Variants in PIK3CB observed in about 807,000 individuals in gnomAD.
The protein encoded by PIK3CB is phosphatidylinositol 4,5-bisphosphate 3-kinase catalytic subunit beta isoform.
PIK3CB carries 39 observed loss-of-function variants against 136.8 expected under a neutral mutation model. The observed-to-expected ratio is 0.29, with a 90% CI of 0.22 to 0.37. The LOEUF (loss-of-function observed/expected upper bound fraction) is 0.37. PIK3CB is among the 10% of genes least tolerant of loss of function. The pLI is 1.00. For synonymous variants in PIK3CB, 428 were observed against 436.6 expected (o/e 0.98, Z 0.25); for missense variants, 868 against 1,275.4 (o/e 0.68, Z 4.87).
At chr3:138,687,186 A>T (rs2043912902) in intron 16 of PIK3CB, among the ~76,000 whole-genome samples, 2 of 151,896 alleles carry the variant, frequency 1.3e-5, no homozygotes, top group South Asian at 2.1e-4. Flanking sequence ...TAACAAGAAC[A>T]GCTATGTACA....
intron 10 of PIK3CB, among the ~76,000 whole-genome samples, chr3:138,710,754 C>T (rs2044479677): frequency 6.6e-6 from 1 of 152,106 alleles, no homozygotes. Flanking sequence ...GAAGGTGCTC[C>T]ATTTACCTCA....
chr3:138,825,474 C>T (rs1325228148), intron 1 of PIK3CB: 3 of 703,280 alleles, frequency 4.3e-6, no homozygotes, highest in African/African-American at 1.7e-5. Context: ...TCAGCACTTA[C>T]ATTAAGAAAA....
chr3:138,654,930 T>C lies in PIK3CB; in HGVS notation c.*459A>G, dbSNP rs1222801187. On this transcript the variant is annotated 3_prime_UTR_variant, in exon 24 of 24. Transcript: ENST00000674063. Reference sequence around the variant, plus strand: ...ATATTATAATTTGCAGTTTACACAATTTTAAAAGGGAAGAAAGATGCCTTT... The same window carrying C: ...ATATTATAATTTGCAGTTTACACAACTTTAAAAGGGAAGAAAGATGCCTTT... The C allele has an allele frequency of 4.7e-6, 1 of 214,826 alleles. No homozygotes were observed. Among genetic ancestry groups the C allele is most frequent in the African/African-American group, 2.3e-5 (1 of 44,276 alleles). The allele number at this position is 214,826 out of a possible 1,614,324, so 13.3% of individuals were successfully genotyped here. A position where few individuals can be genotyped will look rare whatever the true frequency, so the allele number is the denominator to read the frequency against.
At chr3:138,706,983 T>C (rs2044391680) in intron 11 of PIK3CB, among the ~76,000 whole-genome samples, 176 bp downstream of exon 11, 1 of 152,066 alleles carries the variant, frequency 6.6e-6, no homozygotes. Context: ...ACTTAGTCAG[T>C]GATAAAACCA....
chr3:138,706,957 G>A (rs1003693490), intron 11 of PIK3CB, among the ~76,000 whole-genome samples: 8 of 152,038 alleles, frequency 5.3e-5, no homozygotes, highest in Non-Finnish European at 1.0e-4. Flanking sequence ...CGCCCGGCCT[G>A]GAGGTACCTT....
At chr3:138,787,442 A>G (rs1315822849) in intron 2 of PIK3CB, among the ~76,000 whole-genome samples, 1 of 152,060 alleles carries the variant, frequency 6.6e-6, no homozygotes, top group East Asian at 1.9e-4. Flanking sequence ...AAAAAGCCTA[A>G]TTATAACAAT....
chr3:138,750,767 C>G (rs76025463), intron 4 of PIK3CB, among the ~76,000 whole-genome samples: 2,872 of 152,280 alleles, frequency 0.019, 50 homozygotes, highest in Middle Eastern at 0.051. Flanking sequence ...ACTTTGAGTT[C>G]AACTTTTTCA....
At chr3:138,805,189 C>T (rs570617828) in intron 1 of PIK3CB, among the ~76,000 whole-genome samples, 5 of 149,676 alleles carry the variant, frequency 3.3e-5, no homozygotes, top group East Asian at 2.0e-4. Flanking sequence ...AAAAATTAGC[C>T]GGGCATGGTG....
intron 2 of PIK3CB, among the ~76,000 whole-genome samples, chr3:138,771,245 C>T (rs1290550489): frequency 2.4e-5 from 3 of 126,018 alleles, no homozygotes; most frequent in African/African-American, 8.6e-5. Flanking sequence ...TTTTTTGAGA[C>T]GGAGTCTCGC....
intron 19 of PIK3CB, among the ~76,000 whole-genome samples, chr3:138,666,642 G>C (rs2033215902): frequency 6.6e-6 from 1 of 151,876 alleles, no homozygotes; most frequent in Admixed American, 6.6e-5. Context: ...ATTATAATAA[G>C]AACACCAAAA....
chr3:138,787,861 T>G (rs2045999237), intron 2 of PIK3CB, among the ~76,000 whole-genome samples: 1 of 152,082 alleles, frequency 6.6e-6, no homozygotes, highest in African/African-American at 2.4e-5. Flanking sequence ...TACTTAAGAT[T>G]TTTTAAGGCC....
chr3:138,822,420 A>C (rs1308247299), intron 1 of PIK3CB, among the ~76,000 whole-genome samples: 1 of 151,512 alleles, frequency 6.6e-6, no homozygotes, highest in Non-Finnish European at 1.5e-5. Flanking sequence ...GGTGGCATGC[A>C]CCTGTAGTTC....
At position 138,742,565 on chromosome 3, in the gene PIK3CB, T is replaced by C; in HGVS notation, c.614A>G (p.Asn205Ser). Residue 205 changes from asparagine (N) to serine (S), a missense_variant, in exon 5 of 24, where the codon AAC becomes AGC. Physicochemically the swap from Asn to Ser is conservative, Grantham distance 46. Coordinates refer to ENST00000674063, the MANE Select transcript of PIK3CB (RefSeq NM_006219.3). ...AAAAAAATATAATCCTACCTGGCAG[T>C]TTTCAAAATGAACAGCTACGATGAG... ...GKLIVAVHFE[N>S]CQDVFSFQVS... 2 of 1,498,256 alleles carry C rather than the reference T, an allele frequency of 1.3e-6. No homozygotes were observed. The highest frequency in any genetic ancestry group is 1.8e-6 in the Non-Finnish European group (2 of 1,089,304). 92.8% of individuals were successfully genotyped at this position (1,498,256 alleles called of 1,614,324 possible). A position where few individuals can be genotyped will look rare whatever the true frequency, so the allele number is the denominator to read the frequency against.
intron 8 of PIK3CB, among the ~76,000 whole-genome samples, chr3:138,720,319 C>T (rs548161716): frequency 1.3e-5 from 2 of 152,190 alleles, no homozygotes; most frequent in Non-Finnish European, 2.9e-5. Context: ...TTCCAACTTA[C>T]TGTTAATACA....
intron 16 of PIK3CB, among the ~76,000 whole-genome samples, chr3:138,687,725 G>A (rs2043923627): frequency 6.6e-6 from 1 of 152,142 alleles, no homozygotes; most frequent in Non-Finnish European, 1.5e-5. Flanking sequence ...AAAGTGCTGG[G>A]TTTTCAGGTG....
At chr3:138,690,417 G>C (rs992857459) in intron 15 of PIK3CB, among the ~76,000 whole-genome samples, 8 of 151,892 alleles carry the variant, frequency 5.3e-5, no homozygotes, top group African/African-American at 1.9e-4. Flanking sequence ...AATTTCCTTA[G>C]AAAACAAAGG....
intron 4 of PIK3CB, 78 bp from the exon 5 acceptor site, chr3:138,742,859 C>A: frequency 2.7e-6 from 2 of 736,852 alleles, no homozygotes; most frequent in Non-Finnish European, 2.1e-6. Flanking sequence ...AAAGTATATT[C>A]AACAAAAACT....
chr3:138,814,922 G>T (rs957654269), intron 1 of PIK3CB, among the ~76,000 whole-genome samples: 2 of 151,910 alleles, frequency 1.3e-5, no homozygotes, highest in African/African-American at 4.8e-5. Context: ...CGGATCATGA[G>T]GTCAAGAGAT....
At chr3:138,693,029 G>A (rs1391733737) in intron 14 of PIK3CB, among the ~76,000 whole-genome samples, 1 of 152,152 alleles carries the variant, frequency 6.6e-6, no homozygotes, top group Non-Finnish European at 1.5e-5. Context: ...AGGAATAAAT[G>A]ACATTTAAAC....
Sources: allele counts gnomAD v4.1 joint callset (sites outside exome capture counted in the v4.1 genomes callset), GRCh38; gene constraint gnomAD v4.1.1; transcripts MANE v1.5; gene names NCBI Gene and HGNC (gene_info 2026-07-23, HGNC 2026-07-21).